The following CAMK2A variants were observed in gnomAD, a reference collection of about 807,000 sequenced individuals.
The protein encoded by CAMK2A is calcium/calmodulin dependent protein kinase II alpha, also known as calcium/calmodulin-dependent protein kinase type II subunit alpha.
Under a neutral mutation model 79.2 loss-of-function variants are expected in CAMK2A, and 7 were observed. That is an observed-to-expected ratio of 0.09 (90% CI 0.05 to 0.17). The LOEUF (loss-of-function observed/expected upper bound fraction) is 0.17, where lower values mean the gene tolerates loss of function less well. CAMK2A is among the 10% of genes least tolerant of loss of function. The pLI is 1.00. For synonymous variants in CAMK2A, 242 were observed against 251.7 expected, an observed-to-expected ratio of 0.96 and a Z score of 0.36; for missense variants, 214 against 646.4, an observed-to-expected ratio of 0.33 and a Z score of 7.25.
At position 150,223,099 on chromosome 5, in the gene CAMK2A, G is replaced by A. The variant is rs776065787; in HGVS notation, c.1356C>T (p.Gly452=). The A allele has an allele frequency of 2.3e-5, 37 of 1,614,012 alleles. No individual in the cohort carries two copies. The highest frequency in any genetic ancestry group is 1.8e-4 in the East Asian group (8 of 44,892). ...YIRITQYLDA[G]GIPRTAQSEE... ...CCGACTGGGCGGTGCGTGGGATGCC[G>A]CCAGCGTCCAGGTACTGCGTGATGC... is the stretch of plus-strand genomic sequence containing the variant. Residue 452 remains glycine (G), a synonymous_variant, in exon 18 of 19, where the codon GGC becomes GGT. Transcript: ENST00000671881. The surrounding 1 kb of genome is among the most constrained non-coding windows in gnomAD (Gnocchi z 4.1).
At chr5:150,269,643 C>G (rs1756653884) in intron 2 of CAMK2A, among the ~76,000 whole-genome samples, 1 of 152,080 alleles carries the variant, frequency 6.6e-6, no homozygotes, top group Admixed American at 6.5e-5. Flanking sequence ...CGTGAGCCAC[C>G]AAACCCAGCC....
In CAMK2A at chr5:150,272,071, G is replaced by A. The variant is rs186397293; in HGVS notation, c.157+994C>T. 1.9e-4 allele frequency among the ~76,000 whole-genome samples: 29 copies of A among 152,306 alleles called. 1 individual carries two copies. Among genetic ancestry groups the A allele is most frequent in the Admixed American group, 4.6e-4 (7 of 15,302 alleles). On this transcript the variant is annotated intron_variant, in intron 2 of 18. Transcript: ENST00000671881. ...ACTCTCTGGAGGACCCGAGAGTGGC[G>A]TGGCTGAAGCCAAGCACACTTGGAG...
rs1185821993 is a variant in CAMK2A at position 150,243,582 on chromosome 5, G to A, written c.984+1579C>T. 2.0e-5 allele frequency among the ~76,000 whole-genome samples: 3 copies of A among 152,232 alleles called. No homozygotes were observed. In the East Asian group the frequency reaches 5.8e-4, roughly 29 times the overall value. On this transcript the variant is annotated intron_variant, in intron 13 of 18. Transcript: ENST00000671881. The stretch of plus-strand genomic sequence containing the variant: ...TAAATTAAGTTGGCTTTAGATCTGT[G>A]GTTTTCAAATATTCTTGAGAAAACT...
intron 15 of CAMK2A, among the ~76,000 whole-genome samples, chr5:150,237,947 T>A (rs948627319): frequency 6.6e-6 from 1 of 152,166 alleles, no homozygotes; most frequent in Non-Finnish European, 1.5e-5. Context: ...TGGTGGGTCT[T>A]AGGCAGTGTT....
chr5:150,270,289 T>A (rs1261895546), intron 2 of CAMK2A, among the ~76,000 whole-genome samples: 1 of 152,220 alleles, frequency 6.6e-6, no homozygotes, highest in Non-Finnish European at 1.5e-5. Context: ...TTTAAAAAGC[T>A]CCCAAAGGTA....
At chr5:150,253,579 A>T (rs1562168403) in intron 6 of CAMK2A, 33 bp from the exon 7 acceptor site, 2 of 1,553,850 alleles carry the variant, frequency 1.3e-6, no homozygotes, top group Non-Finnish European at 8.9e-7. Flanking sequence ...GAGGAAGGGG[A>T]GGAAAGCGCC....
rs112889800 is a variant in CAMK2A, at chr5:150,273,252, A to G, written c.63-93T>C. 6,547 of 932,668 alleles carry G rather than the reference A, an allele frequency of 7.0e-3. 303 individuals carry two copies. In the African/African-American group the frequency reaches 0.092, roughly 13 times the overall value. The allele number at this position is 932,668 out of a possible 1,614,324, so 57.8% of individuals were successfully genotyped here. A position where few individuals can be genotyped will look rare whatever the true frequency, so the allele number is the denominator to read the frequency against. The stretch of plus-strand genomic sequence containing the variant: ...AGTTCACATCACTGCCCCACGCTAG[A>G]CAGAAGCCCTTCATCAGAGCTGCTC... On this transcript the variant is annotated intron_variant, in intron 1 of 18. Transcript: ENST00000671881.
chr5:150,238,934 G>A (rs1196521809), intron 14 of CAMK2A, among the ~76,000 whole-genome samples, 186 bp from the exon 15 acceptor site: 19 of 152,196 alleles, frequency 1.2e-4, no homozygotes, highest in Non-Finnish European at 5.9e-5. Context: ...CTGAGCAGGT[G>A]GCCAGGGGCC....
intron 3 of CAMK2A, 141 bp from the exon 4 acceptor site, chr5:150,257,758 A>G (rs1372184948): frequency 1.2e-5 from 8 of 676,958 alleles, no homozygotes; most frequent in South Asian, 5.1e-5. Flanking sequence ...AGGTGCTTTG[A>G]CAAGCGCTGG....
At chr5:150,251,160 T>C (rs1755815415) in intron 9 of CAMK2A, among the ~76,000 whole-genome samples, 1 of 152,252 alleles carries the variant, frequency 6.6e-6, no homozygotes, top group Non-Finnish European at 1.5e-5. Flanking sequence ...ACATGACCTC[T>C]TGAGCTATCT....
At position 150,225,042 on chromosome 5, in the gene CAMK2A, GA is replaced by G. The variant is rs1255796818; in HGVS notation, c.1238-1826del. ...CCAGTCTCATAACCTGGTAGGTAGG[GA>G]GAGAGAGAGAGAGAGAGAGAGAGAG... On this transcript the variant is annotated intron_variant, in intron 17 of 18. Transcript: ENST00000671881. Among the ~76,000 whole-genome samples, 4 of 43,444 alleles carry G rather than the reference GA, an allele frequency of 9.2e-5. No individual in the cohort carries two copies. In the African/African-American group the frequency reaches 1.1e-3, roughly 11 times the overall value. 28.5% of individuals were successfully genotyped at this position (43,444 alleles called of 152,430 possible). A position where few individuals can be genotyped will look rare whatever the true frequency, so the allele number is the denominator to read the frequency against.
intron 1 of CAMK2A, among the ~76,000 whole-genome samples, chr5:150,273,769 G>A (rs983603568): frequency 6.6e-6 from 1 of 152,192 alleles, no homozygotes; most frequent in African/African-American, 2.4e-5. Flanking sequence ...TTGTTACTTA[G>A]TATGTAATTG....
intron 1 of CAMK2A, among the ~76,000 whole-genome samples, chr5:150,287,937 C>CTCTGTGTG (rs138294685): frequency 7.1e-6 from 1 of 140,776 alleles, no homozygotes; most frequent in African/African-American, 2.6e-5. Flanking sequence ...AGGATAGCCT[C>CTCTGTGTG]TGTGTGTGTG....
At chr5:150,259,128 C>T (rs931617492) in intron 3 of CAMK2A, among the ~76,000 whole-genome samples, 2 of 151,640 alleles carry the variant, frequency 1.3e-5, no homozygotes, top group Admixed American at 6.6e-5. Flanking sequence ...TGCAGTGAGC[C>T]GAGATCGTGC....
At chr5:150,270,670 G>A (rs1268698338) in intron 2 of CAMK2A, among the ~76,000 whole-genome samples, 1 of 152,024 alleles carries the variant, frequency 6.6e-6, no homozygotes, top group Non-Finnish European at 1.5e-5. Flanking sequence ...TCTCCCGCTG[G>A]GAAGAAAAGC....
intron 2 of CAMK2A, among the ~76,000 whole-genome samples, chr5:150,271,291 G>T (rs991445827): frequency 6.6e-6 from 1 of 152,156 alleles, no homozygotes; most frequent in Non-Finnish European, 1.5e-5. Flanking sequence ...TGGTCCTTCA[G>T]AGACCCTCAC....
intron 16 of CAMK2A, among the ~76,000 whole-genome samples, chr5:150,229,109 G>T (rs139939189): frequency 6.6e-6 from 1 of 152,198 alleles, no homozygotes; most frequent in Admixed American, 6.5e-5. Context: ...GACAAGCAAA[G>T]CTCCCAACCC....
At chr5:150,285,680 C>T (rs1757395803) in intron 1 of CAMK2A, among the ~76,000 whole-genome samples, 1 of 152,196 alleles carries the variant, frequency 6.6e-6, no homozygotes, top group South Asian at 2.1e-4. Flanking sequence ...AACCCCTTCT[C>T]CAACCCCAGC....
At position 150,252,069 on chromosome 5, in the gene CAMK2A, C is replaced by T. The variant is rs1233734848; in HGVS notation, c.515-4G>A. ...TATCCAGGAGTCCCTGCAAACCCTG[C>T]TCCCAGACACACAGACAGGCAGACA... On this transcript the variant is annotated splice_region_variant and splice_polypyrimidine_tract_variant and intron_variant, in intron 7 of 18. Coordinates refer to ENST00000671881, the MANE Select transcript of CAMK2A (RefSeq NM_015981.4). 2 of 1,610,400 alleles carry T rather than the reference C, an allele frequency of 1.2e-6. No homozygotes were observed. Among genetic ancestry groups the T allele is most frequent in the African/African-American group, 2.7e-5 (2 of 74,826 alleles).
Sources: gnomAD v4.1 joint callset for allele counts (sites outside exome capture counted in the v4.1 genomes callset) on GRCh38, gnomAD v4.1.1 for gene constraint, Gnocchi (gnomAD v3.1) non-coding constraint, MANE v1.5 for transcripts, NCBI Gene and HGNC (gene_info 2026-07-23, HGNC 2026-07-21) for gene names.